Variants in KCNAB2 observed in about 807,000 individuals in gnomAD.
KCNAB2 encodes voltage-gated potassium channel subunit beta-2.
A neutral mutation model predicts 63.6 loss-of-function variants in KCNAB2; 29 were observed. The ratio of observed to expected loss-of-function variants is 0.46; its 90% CI spans 0.34 to 0.62. The LOEUF is 0.62. Ranked by LOEUF, KCNAB2 falls within the 20% of genes least tolerant of loss-of-function variation. The pLI is 0.01. For synonymous variants in KCNAB2, 222 were observed against 224.2 expected (o/e 0.99, Z 0.09); for missense variants, 359 against 563.9 (o/e 0.64, Z 3.68).
chr1:6,066,138 C>T (rs979247123), intron 2 of KCNAB2, among the ~76,000 whole-genome samples: 1 of 152,188 alleles, frequency 6.6e-6, no homozygotes, highest in East Asian at 1.9e-4. Context: ...GGCCGACCGG[C>T]GGCCAGCAGT....
At chr1:6,010,186 A>C (rs183987719) in intron 1 of KCNAB2, among the ~76,000 whole-genome samples, 301 of 152,180 alleles carry the variant, frequency 2.0e-3, no homozygotes, top group Non-Finnish European at 3.3e-3. Flanking sequence ...CATATGTGCC[A>C]TTTCTTAGCT....
In KCNAB2 at chr1:6,051,704, C is replaced by T. The variant is rs774621032; in HGVS notation, c.168C>T (p.His56=). 13 of 1,533,654 alleles carry T rather than the reference C, an allele frequency of 8.5e-6. No homozygotes were observed. Among genetic ancestry groups the T allele is most frequent in the African/African-American group, 2.7e-5 (2 of 72,988 alleles). The part of the protein sequence containing the change: ...ARNMESFLRM[H]GLSLDGCTAQ... Reference sequence around the variant, plus strand: ...ACATGGAGAGCTTCCTCCGCATGCACGGCCTTTCCCTGGACGGCTGCACCG... The same window carrying T: ...ACATGGAGAGCTTCCTCCGCATGCATGGCCTTTCCCTGGACGGCTGCACCG... The change falls in exon 2 of 16, where the codon CAC becomes CAT. Residue 56 remains histidine (H), a synonymous_variant. Transcript: ENST00000378083.
chr1:6,061,903 G>T (rs1295670746), intron 2 of KCNAB2, among the ~76,000 whole-genome samples: 1 of 152,136 alleles, frequency 6.6e-6, no homozygotes, highest in South Asian at 2.1e-4. Flanking sequence ...AGTAAAATAA[G>T]TCGGTGGTAA....
intron 1 of KCNAB2, among the ~76,000 whole-genome samples, chr1:6,006,667 C>T (rs1400474756): frequency 1.9e-4 from 3 of 15,586 alleles, no homozygotes; most frequent in Admixed American, 4.2e-4. Flanking sequence ...TCCCCCACTT[C>T]ACCCTCCACC....
chr1:6,093,551 C>T (rs1402996870), intron 10 of KCNAB2, among the ~76,000 whole-genome samples: 6 of 152,220 alleles, frequency 3.9e-5, no homozygotes, highest in South Asian at 2.1e-4. Context: ...GTGAAGTCTC[C>T]GCGATTTCAT....
chr1:6,072,658 T>G, intron 2 of KCNAB2, 97 bp from the exon 3 acceptor site: 2 of 1,291,994 alleles, frequency 1.5e-6, no homozygotes, highest in Non-Finnish European at 1.1e-6. Flanking sequence ...CATTGACTGT[T>G]GGGGGAGTGG....
intron 2 of KCNAB2, among the ~76,000 whole-genome samples, chr1:6,068,939 G>C (rs1662972627): frequency 6.6e-6 from 1 of 152,222 alleles, no homozygotes; most frequent in South Asian, 2.1e-4. Flanking sequence ...GGCGTGCTCA[G>C]TGTAGGATGG....
chr1:6,046,392 G>C (rs1660925702), intron 1 of KCNAB2, among the ~76,000 whole-genome samples: 1 of 152,180 alleles, frequency 6.6e-6, no homozygotes, highest in Admixed American at 6.5e-5. Flanking sequence ...ATGGGGTGGT[G>C]GGCGGCAGGT....
upstream of KCNAB2, among the ~76,000 whole-genome samples, chr1:6,029,451 A>G (rs541198936): frequency 6.6e-6 from 1 of 152,268 alleles, no homozygotes; most frequent in Non-Finnish European, 1.5e-5. Flanking sequence ...TGCACCGTAC[A>G]AGAGCAGCTT....
intron 1 of KCNAB2, among the ~76,000 whole-genome samples, chr1:6,013,464 C>G (rs1043519649): frequency 6.6e-6 from 1 of 152,162 alleles, no homozygotes; most frequent in African/African-American, 2.4e-5. Context: ...ACCACGCAAT[C>G]CAGGGCTGGG....
chr1:6,072,605 C>A, intron 2 of KCNAB2, 150 bp from the exon 3 acceptor site: 1 of 808,336 alleles, frequency 1.2e-6, no homozygotes, highest in East Asian at 2.5e-5. Context: ...AGCAGAGGCA[C>A]CTCTCTGAAG....
chr1:6,026,084 G>A (rs1449212010), intron 1 of KCNAB2: 1 of 152,722 alleles, frequency 6.5e-6, no homozygotes, highest in East Asian at 1.9e-4. Context: ...TACTCTGGAG[G>A]GGCCGCTTGG....
At chr1:6,079,631 C>G (rs1664028272) in intron 4 of KCNAB2, among the ~76,000 whole-genome samples, 1 of 152,112 alleles carries the variant, frequency 6.6e-6, no homozygotes, top group Admixed American at 6.5e-5. Context: ...AAAAAGGACA[C>G]ACGGTGTGAC....
intron 1 of KCNAB2, among the ~76,000 whole-genome samples, chr1:6,000,456 G>A (rs1657188341): frequency 1.3e-5 from 2 of 152,174 alleles, no homozygotes; most frequent in Non-Finnish European, 1.5e-5. Flanking sequence ...GGGTGTCCAG[G>A]GGACATCAGC....
chr1:6,088,964 C>T, intron 7 of KCNAB2, 44 bp from the exon 8 acceptor site: 1 of 1,541,884 alleles, frequency 6.5e-7, no homozygotes, highest in Non-Finnish European at 8.8e-7. Context: ...GGCCAGGGTG[C>T]CAAAACCGCT....
intron 1 of KCNAB2, among the ~76,000 whole-genome samples, chr1:6,026,895 C>A (rs1659223243): frequency 1.3e-5 from 2 of 152,208 alleles, no homozygotes; most frequent in African/African-American, 4.8e-5. Flanking sequence ...GAGGCCCTGG[C>A]CTGGGGATTC....
chr1:6,080,139 G>C (rs1396972363), intron 4 of KCNAB2, among the ~76,000 whole-genome samples: 1 of 152,216 alleles, frequency 6.6e-6, no homozygotes, highest in Non-Finnish European at 1.5e-5. Context: ...AGGAGCGTGA[G>C]TGCCCTAACC....
upstream of KCNAB2, among the ~76,000 whole-genome samples, chr1:6,030,792 G>T (rs1432733328): frequency 3.5e-5 from 5 of 140,966 alleles, no homozygotes; most frequent in East Asian, 9.7e-4. Flanking sequence ...GTGTATGTGT[G>T]TAGGTGTGTA....
intron 10 of KCNAB2, 28 bp downstream of exon 10, chr1:6,091,335 G>T: frequency 6.7e-7 from 1 of 1,484,008 alleles, no homozygotes; most frequent in South Asian, 1.2e-5. Flanking sequence ...CCTGACTATT[G>T]ACTTCTGTGT....
Sources: allele counts gnomAD v4.1 joint callset (sites outside exome capture counted in the v4.1 genomes callset), GRCh38; gene constraint gnomAD v4.1.1; transcripts MANE v1.5; gene names NCBI Gene and HGNC (gene_info 2026-07-23, HGNC 2026-07-21).